The following SENP7 variants were observed in gnomAD, a reference collection of about 807,000 sequenced individuals.
The protein encoded by SENP7 is sentrin-specific protease 7.
In SENP7, 64 loss-of-function variants were observed where a neutral mutation model predicts 141.2. The ratio of observed to expected loss-of-function variants is 0.45; its 90% CI spans 0.37 to 0.56. The LOEUF is 0.56. Ranked by LOEUF, SENP7 falls within the 20% of genes least tolerant of loss-of-function variation. The pLI is 0.00. For missense variants in SENP7, 1,025 were observed against 1,212.2 expected (o/e 0.85, Z 2.29); for synonymous variants, 382 against 426.4 (o/e 0.90, Z 1.28).
chr3:101,378,602 A>C (rs879154325), intron 6 of SENP7, among the ~76,000 whole-genome samples: 1 of 152,142 alleles, frequency 6.6e-6, no homozygotes, highest in Non-Finnish European at 1.5e-5. Flanking sequence ...TGGGAATATC[A>C]TAAGAAGAAA....
intron 5 of SENP7, among the ~76,000 whole-genome samples, chr3:101,402,289 T>C (rs1387566050): frequency 6.6e-6 from 1 of 152,168 alleles, no homozygotes; most frequent in Non-Finnish European, 1.5e-5. Flanking sequence ...GTGAAGCCAG[T>C]GCTCAATTAC....
At chr3:101,513,026 C>A in intron 1 of SENP7, 65 bp downstream of exon 1, 3 of 1,489,240 alleles carry the variant, frequency 2.0e-6, no homozygotes, top group Non-Finnish European at 1.8e-6. Flanking sequence ...CCAGCTGCCG[C>A]CTGCGCCTCC....
At chr3:101,414,698 C>A in intron 5 of SENP7, 1 of 821,088 alleles carries the variant, frequency 1.2e-6, no homozygotes, top group Non-Finnish European at 1.8e-6. Flanking sequence ...CATTTGGGAA[C>A]TTTAGTATTT....
chr3:101,475,951 CA>C (rs992789605), intron 3 of SENP7, among the ~76,000 whole-genome samples: 10 of 151,508 alleles, frequency 6.6e-5, no homozygotes, highest in African/African-American at 2.4e-4. Context: ...GAAAATAAAC[CA>C]AAAAAAATTG....
intron 1 of SENP7, among the ~76,000 whole-genome samples, chr3:101,511,759 G>T (rs1033897498): frequency 3.9e-5 from 6 of 152,192 alleles, no homozygotes; most frequent in African/African-American, 1.2e-4. Flanking sequence ...AAAGCAGTTT[G>T]AGATGCACTG....
chr3:101,506,751 G>A, intron 1 of SENP7, among the ~76,000 whole-genome samples: 1 of 152,192 alleles, frequency 6.6e-6, no homozygotes, highest in East Asian at 1.9e-4. Context: ...TCTTGGAAAG[G>A]CACAACTGAA....
intron 19 of SENP7, 96 bp from the exon 20 acceptor site, chr3:101,330,482 T>A (rs915675416): frequency 5.8e-6 from 4 of 685,858 alleles, no homozygotes; most frequent in Non-Finnish European, 7.3e-6. Flanking sequence ...ATGCAGTTAC[T>A]GGATGCACAG....
intron 4 of SENP7, among the ~76,000 whole-genome samples, chr3:101,438,145 C>T (rs1449723699): frequency 2.0e-5 from 3 of 152,158 alleles, no homozygotes; most frequent in African/African-American, 7.2e-5. Flanking sequence ...GGTATTTGTA[C>T]ACCCATGTTA....
chr3:101,368,740 T>A (rs2060105118), intron 7 of SENP7, among the ~76,000 whole-genome samples: 2 of 151,850 alleles, frequency 1.3e-5, no homozygotes, highest in African/African-American at 4.8e-5. Flanking sequence ...ATAATAATAA[T>A]AAAAAAGGGG....
intron 11 of SENP7, chr3:101,358,383 C>A: frequency 2.0e-6 from 1 of 497,054 alleles, no homozygotes; most frequent in Non-Finnish European, 3.8e-6. Flanking sequence ...GTTCCTCAAC[C>A]CTTAATAAGC....
intron 4 of SENP7, among the ~76,000 whole-genome samples, chr3:101,423,600 G>C (rs548330889): frequency 1.5e-4 from 23 of 152,288 alleles, no homozygotes; most frequent in Middle Eastern, 6.8e-3. Context: ...TGGCTGACTA[G>C]ACACAGCCAA....
At chr3:101,377,389 T>C (rs1324201761) in intron 6 of SENP7, among the ~76,000 whole-genome samples, 1 of 152,074 alleles carries the variant, frequency 6.6e-6, no homozygotes, top group African/African-American at 2.4e-5. Context: ...TCCCAGTAAC[T>C]ACTATTGGAG....
At chr3:101,511,802 G>T (rs572809344) in intron 1 of SENP7, among the ~76,000 whole-genome samples, 19 of 151,788 alleles carry the variant, frequency 1.3e-4, no homozygotes, top group East Asian at 1.9e-4. Flanking sequence ...TTTGGAATTG[G>T]TTTTTTTTGT....
Position 101,343,816 on chromosome 3 carries a change from T to A in SENP7, c.1976A>T (p.Gln659Leu). 1 of 1,613,944 alleles carries A rather than the reference T, an allele frequency of 6.2e-7. No homozygotes were observed. Among genetic ancestry groups the A allele is most frequent in the Non-Finnish European group, 8.5e-7 (1 of 1,179,892 alleles). Residue 659 changes from glutamine (Q) to leucine (L), a missense_variant, in exon 14 of 24, where the codon CAG becomes CTG. Transcript: ENST00000394095. ...LELSYPLSWVQAFPLFQNLSS... is the reference protein window; with the variant it reads ...LELSYPLSWVLAFPLFQNLSS... Reference sequence around the variant, plus strand: ...GAGGTTCTGAAACAAAGGAAATGCCTGAACCCAAGACAACGGGTAAGAAAG... The same window carrying A: ...GAGGTTCTGAAACAAAGGAAATGCCAGAACCCAAGACAACGGGTAAGAAAG...
chr3:101,371,706 A>T (rs1420384386), intron 7 of SENP7, among the ~76,000 whole-genome samples: 2 of 152,200 alleles, frequency 1.3e-5, no homozygotes, highest in Non-Finnish European at 2.9e-5. Flanking sequence ...TAACATTAAT[A>T]TCCATGGAAA....
chr3:101,397,128 C>A (rs1227865882), intron 6 of SENP7, among the ~76,000 whole-genome samples: 1 of 152,170 alleles, frequency 6.6e-6, no homozygotes, highest in Non-Finnish European at 1.5e-5. Context: ...CAGGCGTGAG[C>A]CACCATACCC....
At chr3:101,436,352 A>G (rs572162492) in intron 4 of SENP7, among the ~76,000 whole-genome samples, 16 of 152,362 alleles carry the variant, frequency 1.1e-4, no homozygotes, top group Non-Finnish European at 1.6e-4. Context: ...TCTCCAGGAC[A>G]TTGGTCTGGG....
intron 13 of SENP7, among the ~76,000 whole-genome samples, chr3:101,346,684 G>A (rs1018979596): frequency 9.2e-5 from 14 of 151,976 alleles, no homozygotes; most frequent in African/African-American, 3.4e-4. Flanking sequence ...CATGTTCTCA[G>A]TTATAAGTGG....
intron 13 of SENP7, among the ~76,000 whole-genome samples, chr3:101,344,991 C>CAAAAAAAAAAAAAAAAAAAAAA (rs71132568): frequency 1.6e-5 from 1 of 61,342 alleles, no homozygotes. Flanking sequence ...AAAAAGAAAG[C>CAAAAAAAAAAAAAAAAAAAAAA]AAAAAAAAAA....
Sources: gnomAD v4.1 joint callset for allele counts (sites outside exome capture counted in the v4.1 genomes callset) on GRCh38, gnomAD v4.1.1 for gene constraint, MANE v1.5 for transcripts, NCBI Gene and HGNC (gene_info 2026-07-23, HGNC 2026-07-21) for gene names.